The following PCDHA3 variants were observed in gnomAD, a reference collection of about 807,000 sequenced individuals.
PCDHA3 encodes protocadherin alpha-3.
Under a neutral mutation model 62.2 loss-of-function variants are expected in PCDHA3, and 41 were observed. The ratio of observed to expected loss-of-function variants is 0.66; its 90% CI spans 0.51 to 0.86. PCDHA3 has a LOEUF of 0.86. Among genes scored for constraint, PCDHA3 ranks in the 40% least tolerant of loss-of-function variants. The pLI is 0.00. For missense variants in PCDHA3, 1,304 were observed against 1,241.2 expected (o/e 1.05, Z -0.76); for synonymous variants, 640 against 555.4 (o/e 1.15, Z -2.14).
intron 1 of PCDHA3, among the ~76,000 whole-genome samples, chr5:140,878,958 T>C (rs2057789754): frequency 6.6e-6 from 1 of 152,208 alleles, no homozygotes; most frequent in Admixed American, 6.5e-5. Context: ...TTGAAATGTA[T>C]TACCTGGACA....
Position 140,831,498 on chromosome 5 carries a change from C to A in PCDHA3, c.2394+27907C>A, listed in dbSNP as rs2150195161. Among the ~76,000 whole-genome samples the A allele has an allele frequency of 1.9e-3, 206 of 108,418 alleles. 1 individual carries two copies. Among genetic ancestry groups the A allele is most frequent in the Non-Finnish European group, 1.4e-3 (75 of 52,794 alleles). The allele number at this position is 108,418 out of a possible 152,430, so 71.1% of individuals were successfully genotyped here. ...CCTCAGCCTCTGGAGTTACTACACACGAGCACCACCATGCCCCCCACCTTT... is the reference window on the plus strand; with the variant it reads ...CCTCAGCCTCTGGAGTTACTACACAAGAGCACCACCATGCCCCCCACCTTT... On this transcript the variant is annotated intron_variant, in intron 1 of 3. Transcript: ENST00000522353.
At chr5:140,849,432 A>C (rs2150437335) in intron 1 of PCDHA3, 5 of 1,580,716 alleles carry the variant, frequency 3.2e-6, no homozygotes, top group African/African-American at 1.4e-5. Context: ...TTTTGAAGAA[A>C]GTAGAGCACA....
chr5:140,843,773 T>G (rs2150366556), intron 1 of PCDHA3: 2 of 1,456,190 alleles, frequency 1.4e-6, no homozygotes, highest in Non-Finnish European at 1.9e-6. Context: ...GTAGTTACTT[T>G]AAAAGTGTTT....
At chr5:140,886,361 G>A (rs374709389) in intron 1 of PCDHA3, among the ~76,000 whole-genome samples, 1 of 151,992 alleles carries the variant, frequency 6.6e-6, no homozygotes, top group African/African-American at 2.4e-5. Context: ...TTACATAGGT[G>A]TACATGCCAT....
intron 1 of PCDHA3, chr5:140,869,752 G>C (rs1398153775): frequency 1.4e-5 from 22 of 1,613,136 alleles, no homozygotes; most frequent in Middle Eastern, 1.6e-4. Context: ...AGCTACAGAC[G>C]GGGGAAAACC....
At chr5:140,843,026 C>T in intron 1 of PCDHA3, 2 of 1,595,146 alleles carry the variant, frequency 1.3e-6, no homozygotes, top group Non-Finnish European at 1.7e-6. Context: ...GCTGGAGCCT[C>T]GGGTGGGTGG....
At chr5:140,807,275 C>T (rs781978494) in intron 1 of PCDHA3, 2 of 1,614,232 alleles carry the variant, frequency 1.2e-6, no homozygotes, top group Admixed American at 1.7e-5. Context: ...AGGGAACGGT[C>T]AGCTCCACTA....
intron 1 of PCDHA3, chr5:140,883,843 C>G: frequency 6.2e-7 from 1 of 1,612,786 alleles, no homozygotes; most frequent in Non-Finnish European, 8.5e-7. Context: ...CGTTGGACCA[C>G]GAGGAGCTGG....
chr5:140,941,961 T>A (rs150142414), intron 1 of PCDHA3, among the ~76,000 whole-genome samples: 2 of 152,214 alleles, frequency 1.3e-5, no homozygotes, highest in African/African-American at 4.8e-5. Flanking sequence ...AACAATAGTA[T>A]CTTTACTTTC....
rs782637341 is a variant in PCDHA3, at chr5:141,010,225, C to A, written c.*288C>A. Reference sequence around the variant, plus strand: ...CCGCCGCAAAGGAGAGGCTTCCCAGCCCCGCCAGTGAGAGGTTGGACTCTC... The same window carrying A: ...CCGCCGCAAAGGAGAGGCTTCCCAGACCCGCCAGTGAGAGGTTGGACTCTC... On this transcript the variant is annotated 3_prime_UTR_variant, in exon 4 of 4. Transcript: ENST00000522353. 11 of 1,551,730 alleles carry A rather than the reference C, an allele frequency of 7.1e-6. No homozygotes were observed. The highest frequency in any genetic ancestry group is 8.7e-6 in the Non-Finnish European group (10 of 1,147,034).
At chr5:140,983,882 A>G (rs1203287819) in intron 3 of PCDHA3, among the ~76,000 whole-genome samples, 2 of 152,224 alleles carry the variant, frequency 1.3e-5, no homozygotes, top group East Asian at 3.8e-4. Flanking sequence ...TTTACTGGCA[A>G]CTTTAAGGGC....
rs1030293372 is a variant in PCDHA3 at position 140,856,468 on chromosome 5, A to C, written c.2394+52877A>C. ...TCTCCGTAACAGAACAAAAGCTCTC[A>C]ATACCTGAATCCAGACTGCTTGACT... On this transcript the variant is annotated intron_variant, in intron 1 of 3. Transcript: ENST00000522353. 2.2e-5 allele frequency: 35 copies of C among 1,597,788 alleles called. 3 individuals are homozygous for C. The East Asian group carries it at 7.4e-4, about 34-fold the overall frequency.
intron 3 of PCDHA3, among the ~76,000 whole-genome samples, chr5:141,007,395 C>CAAAAAAAAAAAAAAAA (rs35800918): frequency 3.2e-5 from 3 of 94,864 alleles, no homozygotes; most frequent in Non-Finnish European, 4.1e-5. Flanking sequence ...TACTAAAATA[C>CAAAAAAAAAAAAAAAA]AAAAAAAAAA....
intron 3 of PCDHA3, among the ~76,000 whole-genome samples, chr5:140,996,757 G>A (rs2097743678): frequency 6.6e-6 from 1 of 152,014 alleles, no homozygotes; most frequent in South Asian, 2.1e-4. Context: ...TATCTGTGCA[G>A]GACTAAAATA....
chr5:140,841,896 T>C (rs2150325058), intron 1 of PCDHA3: 14 of 1,613,838 alleles, frequency 8.7e-6, no homozygotes, highest in Non-Finnish European at 1.0e-5. Flanking sequence ...AATAAACTGG[T>C]TGAGCTCGTA....
At chr5:140,890,830 A>G (rs903756043) in intron 1 of PCDHA3, among the ~76,000 whole-genome samples, 1 of 152,182 alleles carries the variant, frequency 6.6e-6, no homozygotes, top group Non-Finnish European at 1.5e-5. Context: ...GTACTTACAT[A>G]TTTACCAGTT....
chr5:140,831,151 A>G (rs1771403401), intron 1 of PCDHA3: 1 of 152,212 alleles, frequency 6.6e-6, no homozygotes, highest in Admixed American at 6.6e-5. Context: ...TTTACTACCG[A>G]TCTAAATAAT....
intron 1 of PCDHA3, chr5:140,883,741 C>T (rs2153397240): frequency 6.2e-7 from 1 of 1,613,386 alleles, no homozygotes; most frequent in Non-Finnish European, 8.5e-7. Context: ...CGCTGGTCTC[C>T]TACTCGCTGG....
At chr5:140,898,467 T>G (rs576206648) in intron 1 of PCDHA3, among the ~76,000 whole-genome samples, 147 of 152,296 alleles carry the variant, frequency 9.7e-4, no homozygotes, top group Non-Finnish European at 1.9e-3. Flanking sequence ...CATTGCTTGT[T>G]TTTCTCAGGT....
Sources: gnomAD v4.1 joint callset for allele counts (sites outside exome capture counted in the v4.1 genomes callset) on GRCh38, gnomAD v4.1.1 for gene constraint, MANE v1.5 for transcripts, NCBI Gene and HGNC (gene_info 2026-07-23, HGNC 2026-07-21) for gene names.